The following OPRM1 variants were observed in gnomAD, a reference collection of about 807,000 sequenced individuals.
OPRM1 encodes mu-type opioid receptor.
Under a neutral mutation model 31.8 loss-of-function variants are expected in OPRM1, and 27 were observed. The ratio of observed to expected loss-of-function variants is 0.85; its 90% CI spans 0.63 to 1.17. The LOEUF (loss-of-function observed/expected upper bound fraction) is 1.17, where lower values mean the gene tolerates loss of function less well. OPRM1 is among the 50% of genes most tolerant of loss of function. OPRM1 has a pLI of 0.00. For synonymous variants in OPRM1, 196 were observed against 189.9 expected, an observed-to-expected ratio of 1.03 and a Z score of -0.26; for missense variants, 536 against 511.1, an observed-to-expected ratio of 1.05 and a Z score of -0.47.
At chr6:154,214,255 C>T (rs775746013) in intron 3 of OPRM1, 137 of 1,610,838 alleles carry the variant, frequency 8.5e-5, no homozygotes, top group Non-Finnish European at 1.1e-4. Context: ...GGATTACAGC[C>T]GATCCAAGTT....
At chr6:154,142,732 T>C (rs1798251859) in intron 3 of OPRM1, among the ~76,000 whole-genome samples, 1 of 152,200 alleles carries the variant, frequency 6.6e-6, no homozygotes, top group East Asian at 1.9e-4. Flanking sequence ...TCAGTCTCTT[T>C]TTCTGACTTA....
intron 3 of OPRM1, among the ~76,000 whole-genome samples, chr6:154,242,415 A>G (rs1780669736): frequency 6.6e-6 from 1 of 152,210 alleles, no homozygotes; most frequent in African/African-American, 2.4e-5. Flanking sequence ...AATGCCGAAG[A>G]TTCTTAATTC....
chr6:154,149,637 G>C lies in OPRM1; in HGVS notation c.1164+58165G>C, dbSNP rs569861260. On this transcript the variant is annotated intron_variant, in intron 3 of 3. Transcript: ENST00000337049. The stretch of plus-strand genomic sequence containing the variant: ...GTGTGTGTGCGCGCGTGTGTGTGTA[G>C]AGAGAGAGAGAGAGAGAGAGAAACT... Among the ~76,000 whole-genome samples the C allele has an allele frequency of 6.8e-4, 98 of 144,532 alleles. 1 individual carries two copies. In the East Asian group the frequency reaches 0.012, roughly 17 times the overall value. The allele number at this position is 144,532 out of a possible 152,430, so 94.8% of individuals were successfully genotyped here.
In OPRM1 at chr6:154,118,825, G is replaced by A; in HGVS notation, c.*104G>A. On this transcript the variant is annotated 3_prime_UTR_variant, in exon 4 of 4. Coordinates refer to ENST00000330432, the MANE Select transcript of OPRM1 (RefSeq NM_000914.5). ...TAGGAGGCTCTAATTCTCTAGGAAAGTGCCTGCTTTTAGGTCATCCAACCT... is the reference window on the plus strand; with the variant it reads ...TAGGAGGCTCTAATTCTCTAGGAAAATGCCTGCTTTTAGGTCATCCAACCT... The A allele has an allele frequency of 1.3e-6, 2 of 1,551,196 alleles. No homozygotes were observed. Among genetic ancestry groups the A allele is most frequent in the Non-Finnish European group, 8.7e-7 (1 of 1,155,040 alleles).
At chr6:154,155,076 T>G (rs1416178285) in intron 3 of OPRM1, 1 of 152,190 alleles carries the variant, frequency 6.6e-6, no homozygotes, top group Non-Finnish European at 1.5e-5. Flanking sequence ...TATGTGGTTC[T>G]GGGGTCATGT....
At chr6:154,042,816 G>C (rs1388231245) in intron 1 of OPRM1, among the ~76,000 whole-genome samples, 1 of 152,062 alleles carries the variant, frequency 6.6e-6, no homozygotes, top group Admixed American at 6.5e-5. Flanking sequence ...ATAATGCTTG[G>C]AGAATAACCT....
At chr6:154,140,003 A>T (rs2128537547) in intron 3 of OPRM1, among the ~76,000 whole-genome samples, 1 of 152,338 alleles carries the variant, frequency 6.6e-6, no homozygotes. Flanking sequence ...GGAAGCAACC[A>T]TCCCATCTCC....
At chr6:154,076,478 T>C (rs1321022785) in intron 1 of OPRM1, among the ~76,000 whole-genome samples, 1 of 152,240 alleles carries the variant, frequency 6.6e-6, no homozygotes, top group Admixed American at 6.5e-5. Context: ...CTAATTAGTA[T>C]ATTGTTAATT....
chr6:154,175,511 A>G (rs1800243752), intron 3 of OPRM1, among the ~76,000 whole-genome samples: 1 of 152,264 alleles, frequency 6.6e-6, no homozygotes, highest in South Asian at 2.1e-4. Context: ...TCCCACAGAA[A>G]TACAAACTAC....
chr6:154,117,026 C>T (rs923040607), intron 3 of OPRM1, among the ~76,000 whole-genome samples: 3 of 152,268 alleles, frequency 2.0e-5, no homozygotes, highest in African/African-American at 7.2e-5. Flanking sequence ...CACAGATGAG[C>T]AAACAGAAAC....
intron 1 of OPRM1, among the ~76,000 whole-genome samples, chr6:154,033,135 A>G (rs950386791): frequency 2.0e-5 from 3 of 152,214 alleles, no homozygotes; most frequent in Non-Finnish European, 4.4e-5. Flanking sequence ...AAACCAAAAT[A>G]AATTGTCAGG....
chr6:154,084,285 T>G (rs570499921), intron 1 of OPRM1, among the ~76,000 whole-genome samples: 1 of 152,326 alleles, frequency 6.6e-6, no homozygotes. Flanking sequence ...TCCCCTTCAC[T>G]AAGCTAGTGG....
chr6:154,213,853 G>A (rs1029955718), intron 3 of OPRM1, among the ~76,000 whole-genome samples: 5 of 152,138 alleles, frequency 3.3e-5, no homozygotes, highest in African/African-American at 1.2e-4. Flanking sequence ...AAAATATCAG[G>A]GAGGAAATAG....
Position 154,028,452 on chromosome 6 carries a change from G to A in OPRM1, c.1-10709G>A, listed in dbSNP as rs1039825548. 1.8e-4 allele frequency among the ~76,000 whole-genome samples: 28 copies of A among 152,294 alleles called. 1 individual carries two copies. The highest frequency in any genetic ancestry group is 4.8e-4 in the African/African-American group (20 of 41,574). On this transcript the variant is annotated intron_variant, in intron 1 of 5. Transcript: ENST00000434900. ...TGTGCAGCCTGGGGCTAGGGGAGGC[G>A]TGATGCCAGCTCTCCGTTAGCCACC...
At chr6:154,101,092 T>C (rs1794767348) in intron 3 of OPRM1, among the ~76,000 whole-genome samples, 2 of 151,832 alleles carry the variant, frequency 1.3e-5, no homozygotes, top group Admixed American at 6.6e-5. Context: ...GAAATAAGAA[T>C]AACTTAATCA....
At chr6:154,156,021 C>CT (rs373375323) in intron 3 of OPRM1, 85 of 152,296 alleles carry the variant, frequency 5.6e-4, no homozygotes, top group African/African-American at 2.0e-3. Flanking sequence ...AGTTTGGTCT[C>CT]TAACATTTGA....
In OPRM1 at chr6:154,093,327, T is replaced by C. The variant is rs1583500127; in HGVS notation, c.1164+1855T>C. 1 of 1,613,836 alleles carries C rather than the reference T, an allele frequency of 6.2e-7. No individual in the cohort carries two copies. Among genetic ancestry groups the C allele is most frequent in the Non-Finnish European group, 8.5e-7 (1 of 1,179,828 alleles). ...TCTAGAGCAAGGCTGCTTGGTTGTG[T>C]ACCCTGGACCACTGCAAGGACCTCT... is the stretch of plus-strand genomic sequence containing the variant. On this transcript the variant is annotated intron_variant, in intron 3 of 3. Coordinates refer to ENST00000330432, the MANE Select transcript of OPRM1 (RefSeq NM_000914.5).
rs1411786454 is a variant in OPRM1 at position 154,089,927 on chromosome 6, T to G, written c.392T>G (p.Leu131Arg). The G allele has an allele frequency of 6.2e-7, 1 of 1,613,946 alleles. No individual in the cohort carries two copies. Among genetic ancestry groups the G allele is most frequent in the Non-Finnish European group, 8.5e-7 (1 of 1,179,820 alleles). ...STLPFQSVNYLMGTWPFGTIL... is the reference protein window; with the variant it reads ...STLPFQSVNYRMGTWPFGTIL... ...CTGCCCTTCCAGAGTGTGAATTACC[T>G]AATGGGAACATGGCCATTTGGAACC... Residue 131 changes from leucine (L) to arginine (R), a missense_variant, in exon 2 of 4, where the codon CTA becomes CGA. Leu to Arg is a moderately radical substitution (Grantham distance 102, BLOSUM62 -2). Coordinates refer to ENST00000330432, the MANE Select transcript of OPRM1 (RefSeq NM_000914.5).
At chr6:154,104,175 G>C (rs562332663) in intron 3 of OPRM1, among the ~76,000 whole-genome samples, 2 of 152,300 alleles carry the variant, frequency 1.3e-5, no homozygotes, top group Non-Finnish European at 2.9e-5. Context: ...TTAGGGTAGA[G>C]AGAAGCTCAG....
Sources: allele counts gnomAD v4.1 joint callset (sites outside exome capture counted in the v4.1 genomes callset), GRCh38; gene constraint gnomAD v4.1.1; transcripts MANE v1.5; gene names NCBI Gene and HGNC (gene_info 2026-07-23, HGNC 2026-07-21).